The following CTTNBP2NL variants were observed in gnomAD, a reference collection of about 807,000 sequenced individuals.
CTTNBP2NL encodes the protein CTTNBP2 N-terminal like, also known as CTTNBP2 N-terminal-like protein.
CTTNBP2NL carries 16 observed loss-of-function variants against 32.5 expected under a neutral mutation model. That is an observed-to-expected ratio of 0.49 (90% CI 0.33 to 0.75). The LOEUF (loss-of-function observed/expected upper bound fraction) is 0.75, where lower values mean the gene tolerates loss of function less well. Ranked by LOEUF, CTTNBP2NL falls within the 30% of genes least tolerant of loss-of-function variation. CTTNBP2NL has a pLI of 0.02. For missense variants in CTTNBP2NL, 645 were observed against 756.0 expected (o/e 0.85, Z 1.72); for synonymous variants, 298 against 289.4 (o/e 1.03, Z -0.30).
At chr1:112,399,007 T>C (rs1648415528) in intron 1 of CTTNBP2NL, among the ~76,000 whole-genome samples, 1 of 152,050 alleles carries the variant, frequency 6.6e-6, no homozygotes, top group Admixed American at 6.6e-5. Context: ...TAGGGACTGA[T>C]TGCTGATTTT....
chr1:112,456,678 A>T lies in CTTNBP2NL; in HGVS notation c.1186A>T (p.Ile396Phe), dbSNP rs749208935. The T allele has an allele frequency of 9.3e-6, 15 of 1,613,914 alleles. No individual in the cohort carries two copies. The highest frequency in any genetic ancestry group is 1.2e-5 in the Non-Finnish European group (14 of 1,180,024). The change falls in exon 6 of 6, where the codon ATT becomes TTT. Residue 396 changes from isoleucine (I) to phenylalanine (F), a missense_variant. Coordinates refer to ENST00000271277, the MANE Select transcript of CTTNBP2NL (RefSeq NM_018704.3). ...PVENGGCPVG[I>F]ETPVPMPSPL... is the part of the protein sequence containing the mutation. ...GGAGAATGGTGGGTGTCCTGTGGGG[A>T]TTGAGACTCCAGTCCCAATGCCCAG... is the stretch of plus-strand genomic sequence containing the variant.
chr1:112,445,700 G>A (rs1338371635), intron 3 of CTTNBP2NL, among the ~76,000 whole-genome samples: 1 of 152,204 alleles, frequency 6.6e-6, no homozygotes, highest in African/African-American at 2.4e-5. Context: ...AAGTACTACA[G>A]GAGAAAGCAG....
chr1:112,406,476 T>G (rs1347784651), intron 1 of CTTNBP2NL, among the ~76,000 whole-genome samples: 1 of 152,168 alleles, frequency 6.6e-6, no homozygotes, highest in African/African-American at 2.4e-5. Context: ...TTGAGCAAGT[T>G]TTTTAGCCTC....
At position 112,456,216 on chromosome 1, in the gene CTTNBP2NL, T is replaced by C. The variant is rs201156955; in HGVS notation, c.724T>C (p.Phe242Leu). 1 of 1,613,608 alleles carries C rather than the reference T, an allele frequency of 6.2e-7. No individual in the cohort carries two copies. Among genetic ancestry groups the C allele is most frequent in the East Asian group, 2.2e-5 (1 of 44,866 alleles). ...EAQVEKQLSEFDIEREQLRAK... is the reference protein window; with the variant it reads ...EAQVEKQLSELDIEREQLRAK... The stretch of plus-strand genomic sequence containing the variant: ...CCAGGTAGAGAAGCAGTTATCAGAG[T>C]TTGACATCGAAAGGGAACAACTGAG... Residue 242 changes from phenylalanine to leucine, a missense_variant, in exon 6 of 6, where the codon TTT (phenylalanine) becomes CTT (leucine). Coordinates refer to ENST00000271277, the MANE Select transcript of CTTNBP2NL (RefSeq NM_018704.3).
At chr1:112,423,148 T>A (rs1373560718) in intron 3 of CTTNBP2NL, among the ~76,000 whole-genome samples, 1 of 152,198 alleles carries the variant, frequency 6.6e-6, no homozygotes, top group African/African-American at 2.4e-5. Flanking sequence ...CCATTTTTTT[T>A]AAGTTATTTG....
upstream of CTTNBP2NL, among the ~76,000 whole-genome samples, chr1:112,392,718 G>A (rs1437471886): frequency 6.6e-6 from 1 of 152,116 alleles, no homozygotes; most frequent in Non-Finnish European, 1.5e-5. Context: ...ATGTGAAGAC[G>A]GAGGCAGGTA....
chr1:112,452,169 T>C (rs539281088), intron 4 of CTTNBP2NL, among the ~76,000 whole-genome samples: 2 of 152,014 alleles, frequency 1.3e-5, no homozygotes, highest in Non-Finnish European at 2.9e-5. Context: ...TTTCTTTCAT[T>C]TATTTTGAGA....
chr1:112,446,181 A>G (rs1359481606), intron 3 of CTTNBP2NL, among the ~76,000 whole-genome samples: 2 of 125,180 alleles, frequency 1.6e-5, no homozygotes, highest in African/African-American at 6.2e-5. Flanking sequence ...TTTTCTAAAC[A>G]TGGCCTAAAA....
chr1:112,441,425 C>T (rs982463071), intron 3 of CTTNBP2NL, among the ~76,000 whole-genome samples: 5 of 152,152 alleles, frequency 3.3e-5, no homozygotes, highest in African/African-American at 1.2e-4. Flanking sequence ...TTTATAAATG[C>T]ACCACATTCT....
chr1:112,414,335 GC>G, intron 2 of CTTNBP2NL, among the ~76,000 whole-genome samples: 1 of 152,340 alleles, frequency 6.6e-6, no homozygotes, highest in South Asian at 2.1e-4. Flanking sequence ...CTGCATTCCA[GC>G]CTGGGCAACT....
upstream of CTTNBP2NL, among the ~76,000 whole-genome samples, chr1:112,392,736 G>A (rs1314252320): frequency 6.6e-6 from 1 of 152,130 alleles, no homozygotes; most frequent in Non-Finnish European, 1.5e-5. Context: ...GTATTGGGAT[G>A]ATGTAGTTAC....
Position 112,459,213 on chromosome 1 carries a change from T to G in CTTNBP2NL, c.*1801T>G, listed in dbSNP as rs990710906. 4 of 152,202 alleles carry G rather than the reference T, an allele frequency of 2.6e-5. No individual in the cohort carries two copies. The highest frequency in any genetic ancestry group is 9.7e-5 in the African/African-American group (4 of 41,448). The allele number at this position is 152,202 out of a possible 1,614,324, so 9.4% of individuals were successfully genotyped here. A position where few individuals can be genotyped will look rare whatever the true frequency, so the allele number is the denominator to read the frequency against. ...CTTCTGTCATTTTCATCATAGCAAG[T>G]CTATGCGGACAAAAGCCTCCAAACT... On this transcript the variant is annotated 3_prime_UTR_variant, in exon 6 of 6. Transcript: ENST00000271277.
At chr1:112,402,673 A>C (rs1419841416) in intron 1 of CTTNBP2NL, among the ~76,000 whole-genome samples, 1 of 152,228 alleles carries the variant, frequency 6.6e-6, no homozygotes, top group Non-Finnish European at 1.5e-5. Context: ...AAGTAACAAC[A>C]GAACCAATCT....
upstream of CTTNBP2NL, among the ~76,000 whole-genome samples, chr1:112,393,631 G>A (rs962558128): frequency 6.6e-6 from 1 of 152,116 alleles, no homozygotes; most frequent in African/African-American, 2.4e-5. Flanking sequence ...AAAGATACAC[G>A]AGGTTCACAA....
At chr1:112,393,849 C>T (rs778412382), upstream of CTTNBP2NL, among the ~76,000 whole-genome samples, 4 of 152,116 alleles carry the variant, frequency 2.6e-5, no homozygotes, top group African/African-American at 7.2e-5. Flanking sequence ...ACTGCTCCCA[C>T]CCAGTCAGCC....
At chr1:112,437,779 T>C (rs1436067465) in intron 3 of CTTNBP2NL, among the ~76,000 whole-genome samples, 1 of 152,172 alleles carries the variant, frequency 6.6e-6, no homozygotes, top group Non-Finnish European at 1.5e-5. Context: ...TGCCTCAGCC[T>C]CCCAAAGTCC....
At chr1:112,447,491 A>G (rs1458846875) in intron 3 of CTTNBP2NL, among the ~76,000 whole-genome samples, 2 of 152,170 alleles carry the variant, frequency 1.3e-5, no homozygotes, top group Non-Finnish European at 2.9e-5. Flanking sequence ...GCTGCAGTCA[A>G]GCCAGAAGTA....
upstream of CTTNBP2NL, among the ~76,000 whole-genome samples, chr1:112,392,609 G>A (rs1648212398): frequency 6.6e-6 from 1 of 152,160 alleles, no homozygotes; most frequent in South Asian, 2.1e-4. Context: ...TTCAGATGAG[G>A]TCATGGTGGA....
chr1:112,420,366 G>C (rs1649193701), intron 3 of CTTNBP2NL, among the ~76,000 whole-genome samples: 1 of 151,812 alleles, frequency 6.6e-6, no homozygotes, highest in South Asian at 2.1e-4. Context: ...GGCTGGTCTT[G>C]AACTCCTGAC....
Sources: gnomAD v4.1 joint callset for allele counts (sites outside exome capture counted in the v4.1 genomes callset) on GRCh38, gnomAD v4.1.1 for gene constraint, MANE v1.5 for transcripts, NCBI Gene and HGNC (gene_info 2026-07-23, HGNC 2026-07-21) for gene names.